AFAP1: variants seen among roughly 807,000 people sequenced by gnomAD.
AFAP1 encodes the protein actin filament associated protein 1, also known as actin filament-associated protein 1.
Under a neutral mutation model 93.9 loss-of-function variants are expected in AFAP1, and 75 were observed. That is an observed-to-expected ratio of 0.80 (90% confidence interval 0.66 to 0.97). AFAP1 has a LOEUF of 0.97. Among genes scored for constraint, AFAP1 ranks in the 50% least tolerant of loss-of-function variants. The probability of loss-of-function intolerance (pLI) is 0.00; values close to 1 mark genes in which losing one functional copy is unlikely to be tolerated. For synonymous variants in AFAP1, 517 were observed against 430.7 expected, an observed-to-expected ratio of 1.20 and a Z score of -2.48; for missense variants, 1,201 against 1,050.8, an observed-to-expected ratio of 1.14 and a Z score of -1.98.
chr4:7,767,409 T>C (rs1714760588), intron 17 of AFAP1, among the ~76,000 whole-genome samples: 2 of 152,148 alleles, frequency 1.3e-5, no homozygotes, highest in Non-Finnish European at 2.9e-5. Flanking sequence ...ATAGATGAAG[T>C]ACATTTACAG....
chr4:7,764,999 G>C (rs1273586382), intron 17 of AFAP1, among the ~76,000 whole-genome samples: 2 of 152,256 alleles, frequency 1.3e-5, no homozygotes, highest in Non-Finnish European at 1.5e-5. Context: ...CCAGCTACTC[G>C]GTAGGCTGAG....
At chr4:7,816,457 G>A (rs1221714291) in intron 7 of AFAP1, among the ~76,000 whole-genome samples, 1 of 152,162 alleles carries the variant, frequency 6.6e-6, no homozygotes, top group Non-Finnish European at 1.5e-5. Context: ...TATCCTCGCA[G>A]AAGTAAATAT....
rs769000108 is a variant in AFAP1 at position 7,872,067 on chromosome 4, T to G, written c.12A>C (p.Leu4Phe). MEE[L>F]IVELRLFLEL... ...CAAGAAAGAGACGAAGTTCAACTAT[T>G]AACTCTTCCATTGCTGACAACAAAA... Residue 4 changes from leucine (L) to phenylalanine (F), a missense_variant, in exon 2 of 18, where the codon TTA (leucine) becomes TTC (phenylalanine). Coordinates refer to ENST00000420658, the MANE Select transcript of AFAP1 (RefSeq NM_001134647.2). 3.1e-6 allele frequency: 5 copies of G among 1,613,776 alleles called. No homozygotes were observed. In the South Asian group the frequency reaches 4.4e-5, roughly 14 times the overall value.
At chr4:7,769,507 G>C (rs552091170) in intron 16 of AFAP1, among the ~76,000 whole-genome samples, 248 of 152,318 alleles carry the variant, frequency 1.6e-3, no homozygotes, top group African/African-American at 5.5e-3. Flanking sequence ...GAGCACAGAG[G>C]CCTTCCTAGT....
chr4:7,868,088 A>T lies in AFAP1; in HGVS notation c.225+534T>A, dbSNP rs967065477. On this transcript the variant is annotated intron_variant, in intron 3 of 17. Transcript: ENST00000420658. ...TTGCAAATGAGGGAATCGCCAGATT[A>T]AAAAAAAAAAAACAACAAATTTGAA... Among the ~76,000 whole-genome samples, 11 of 143,382 alleles carry T rather than the reference A, an allele frequency of 7.7e-5. 1 individual carries two copies. Among genetic ancestry groups the T allele is most frequent in the Non-Finnish European group, 1.4e-4 (9 of 65,470 alleles). 94.1% of individuals were successfully genotyped at this position (143,382 alleles called of 152,430 possible).
intron 14 of AFAP1, chr4:7,775,138 C>CA (rs888244509): frequency 4.3e-4 from 189 of 441,454 alleles, no homozygotes; most frequent in South Asian, 7.8e-4. Flanking sequence ...GACCCCGTGT[C>CA]AAAAAAAAAT....
At chr4:7,843,058 T>G (rs1206834109) in intron 5 of AFAP1, 81 bp downstream of exon 5, 1 of 1,465,208 alleles carries the variant, frequency 6.8e-7, no homozygotes, top group Non-Finnish European at 9.4e-7. Context: ...ACAGCTGATG[T>G]TAATGGTGAC....
intron 1 of AFAP1, among the ~76,000 whole-genome samples, chr4:7,915,803 A>T (rs1226873334): frequency 6.8e-6 from 1 of 147,914 alleles, no homozygotes; most frequent in Non-Finnish European, 1.5e-5. Flanking sequence ...TGGTATGATC[A>T]TTTGAAACTA....
At chr4:7,790,703 A>G (rs1439766126) in intron 11 of AFAP1, among the ~76,000 whole-genome samples, 1 of 149,898 alleles carries the variant, frequency 6.7e-6, no homozygotes, top group Non-Finnish European at 1.5e-5. Flanking sequence ...TAGTACTTAA[A>G]GAATTGGAGA....
At chr4:7,764,105 T>C (rs1336120377) in intron 17 of AFAP1, among the ~76,000 whole-genome samples, 1 of 152,208 alleles carries the variant, frequency 6.6e-6, no homozygotes, top group African/African-American at 2.4e-5. Flanking sequence ...ACACCACGTA[T>C]TCGGCCTGAA....
At chr4:7,815,286 G>C (rs922098211) in intron 8 of AFAP1, among the ~76,000 whole-genome samples, 2 of 152,244 alleles carry the variant, frequency 1.3e-5, no homozygotes, top group African/African-American at 4.8e-5. Context: ...AAAAGGGACA[G>C]AGCTTCGCTC....
Position 7,939,788 on chromosome 4 carries a change from G to T in AFAP1, c.-135C>A. 2.6e-6 allele frequency: 1 copy of T among 380,984 alleles called. No homozygotes were observed. The highest frequency in any genetic ancestry group is 5.1e-6 in the Non-Finnish European group (1 of 196,824). The allele number at this position is 380,984 out of a possible 1,614,324, so 23.6% of individuals were successfully genotyped here. On this transcript the variant is annotated 5_prime_UTR_variant, in exon 1 of 18. It adds an upstream start codon to the 5' untranslated region. Transcript: ENST00000420658. This position sits in a 1 kb window ranked among gnomAD's most constrained non-coding sequence, Gnocchi z 5.6. ...GGGCGGGGCCGCCGCCGCCGCCTCA[G>T]CCCGTGTACCCCGCTCGAGATCCGG...
chr4:7,781,372 G>A lies in AFAP1; in HGVS notation c.1782+4C>T, dbSNP rs116518020. The A allele has an allele frequency of 3.5e-3, 5,417 of 1,551,202 alleles. 46 individuals carry two copies. Among genetic ancestry groups the A allele is most frequent in the African/African-American group, 0.022 (1,633 of 73,132 alleles). ...CTAGAATCTTACAGAAGAAGATGCC[G>A]TACCTGCGAGTTGAGCCCGAGAGAC... On this transcript the variant is annotated splice_donor_region_variant and intron_variant, in intron 13 of 17. Transcript: ENST00000420658.
chr4:7,920,049 C>T (rs1019649654), intron 1 of AFAP1, among the ~76,000 whole-genome samples: 2 of 152,108 alleles, frequency 1.3e-5, no homozygotes, highest in Admixed American at 6.5e-5. Flanking sequence ...CATTGATGGG[C>T]GTTTGGGTTG....
At chr4:7,763,866 T>A in intron 17 of AFAP1, 75 bp from the exon 18 acceptor site, 1 of 1,476,240 alleles carries the variant, frequency 6.8e-7, no homozygotes, top group Non-Finnish European at 9.3e-7. Context: ...ACCATCCACA[T>A]TCAACTCAGA....
At chr4:7,781,236 C>A in intron 13 of AFAP1, 140 bp downstream of exon 13, 2 of 1,122,182 alleles carry the variant, frequency 1.8e-6, no homozygotes, top group Non-Finnish European at 2.5e-6. Flanking sequence ...AGTCAGGCTG[C>A]AAATTATATT....
At chr4:7,763,998 A>T (rs1369856571) in intron 17 of AFAP1, among the ~76,000 whole-genome samples, 2 of 151,736 alleles carry the variant, frequency 1.3e-5, no homozygotes, top group Non-Finnish European at 2.9e-5. Context: ...GATACCACAC[A>T]CCCCGTTCAC....
intron 1 of AFAP1, among the ~76,000 whole-genome samples, chr4:7,898,890 T>C (rs1560226338): frequency 6.7e-6 from 1 of 150,338 alleles, no homozygotes; most frequent in East Asian, 1.9e-4. Context: ...TGTGTGTATA[T>C]ACAGAGAGGG....
At chr4:7,799,067 C>T (rs1433272442) in intron 10 of AFAP1, 7 of 985,890 alleles carry the variant, frequency 7.1e-6, no homozygotes, top group Non-Finnish European at 1.2e-6. Context: ...TAAATGTTTA[C>T]AAGGTACACT....
Sources: gnomAD v4.1 joint callset for allele counts (sites outside exome capture counted in the v4.1 genomes callset) on GRCh38, gnomAD v4.1.1 for gene constraint, Gnocchi (gnomAD v3.1) non-coding constraint, MANE v1.5 for transcripts, NCBI Gene and HGNC (gene_info 2026-07-23, HGNC 2026-07-21) for gene names.